The following ASB9 variants were observed in gnomAD, a reference collection of about 807,000 sequenced individuals.
The protein encoded by ASB9 is ankyrin repeat and SOCS box containing 9.
Under a neutral mutation model 16.6 loss-of-function variants are expected in ASB9, and 5 were observed. That is an observed-to-expected ratio of 0.30 (90% CI 0.16 to 0.63). ASB9 has a LOEUF of 0.63. Among genes scored for constraint, ASB9 ranks in the 30% least tolerant of loss-of-function variants. ASB9 has a pLI of 0.82. For missense variants in ASB9, 216 were observed against 229.4 expected (o/e 0.94, Z 0.38); for synonymous variants, 100 against 86.4 (o/e 1.16, Z -0.87).
chrX:15,248,268 A>G (rs756116426), intron 6 of ASB9, among the ~76,000 whole-genome samples: 10 of 106,300 alleles, frequency 9.4e-5, no homozygotes, highest in Admixed American at 2.0e-4. Context: ...TTAATTTATA[A>G]TAGTAAATAT....
chrX:15,263,813 A>C (rs937335292), intron 1 of ASB9, among the ~76,000 whole-genome samples: 26 of 111,859 alleles, frequency 2.3e-4, no homozygotes, highest in Middle Eastern at 4.6e-3. Context: ...GGGTGGGCTC[A>C]ATTTTGCAAG....
intron 1 of ASB9, among the ~76,000 whole-genome samples, chrX:15,263,300 CA>C (rs1480514547): frequency 9.0e-6 from 1 of 111,166 alleles, no homozygotes; most frequent in Non-Finnish European, 1.9e-5. Flanking sequence ...CTTCAGGACA[CA>C]ATAAGGGTGG....
chrX:15,245,869 C>T (rs1011438239), intron 6 of ASB9, among the ~76,000 whole-genome samples: 5 of 111,862 alleles, frequency 4.5e-5, no homozygotes, highest in African/African-American at 3.2e-5. Context: ...AGATGGAACT[C>T]GACACATATA....
chrX:15,260,347 G>T (rs372392399), intron 1 of ASB9, among the ~76,000 whole-genome samples: 1 of 111,904 alleles, frequency 8.9e-6, no homozygotes, highest in African/African-American at 3.3e-5. Flanking sequence ...GCAGTGAGCC[G>T]AGATCATGCC....
intron 6 of ASB9, among the ~76,000 whole-genome samples, chrX:15,248,403 A>G (rs1924840874): frequency 8.9e-6 from 1 of 112,214 alleles, no homozygotes; most frequent in Non-Finnish European, 1.9e-5. Flanking sequence ...AACCCCAAAG[A>G]GGACTCTGCT....
chrX:15,250,365 T>G lies in ASB9; in HGVS notation c.568+65A>C, dbSNP rs963854915. The G allele has an allele frequency of 1.8e-5, 20 of 1,128,403 alleles. No homozygotes were observed. In the African/African-American group the frequency reaches 3.1e-4, roughly 17 times the overall value. 93.0% of individuals were successfully genotyped at this position (1,128,403 alleles called of 1,213,427 possible). ...TAATTTCTCTCCTACAGCAGTAAGA[T>G]GTTTAAAATACATTTAATTTACTTT... On this transcript the variant is annotated intron_variant, in intron 5 of 6. Transcript: ENST00000380488.
exon 1 of ASB9, chrX:15,270,081 TACACACACAC>T (rs370190376): frequency 7.5e-5 from 22 of 294,593 alleles, no homozygotes; most frequent in South Asian, 4.5e-4. Flanking sequence ...TGCGCTCGTG[TACACACACAC>T]ACACACACAC....
At chrX:15,256,724 G>C (rs1459162928) in intron 2 of ASB9, among the ~76,000 whole-genome samples, 1 of 92,759 alleles carries the variant, frequency 1.1e-5, no homozygotes, top group Non-Finnish European at 2.1e-5. Flanking sequence ...CCTGCAGTGA[G>C]CCGAGATGGC....
intron 1 of ASB9, among the ~76,000 whole-genome samples, chrX:15,260,883 T>C (rs1925920250): frequency 8.9e-6 from 1 of 112,120 alleles, no homozygotes; most frequent in African/African-American, 3.2e-5. Flanking sequence ...AAAATCTGTA[T>C]TAGTAAGCAA....
At chrX:15,264,616 C>A (rs1366477699) in intron 1 of ASB9, among the ~76,000 whole-genome samples, 1 of 111,499 alleles carries the variant, frequency 9.0e-6, no homozygotes. Flanking sequence ...GCCCTATTTT[C>A]CCCTCTAACT....
intron 6 of ASB9, among the ~76,000 whole-genome samples, chrX:15,245,796 A>G: frequency 8.9e-6 from 1 of 112,027 alleles, no homozygotes; most frequent in Middle Eastern, 4.6e-3. Flanking sequence ...TTCCTATAGC[A>G]ATACCACCAA....
chrX:15,265,296 T>A (rs1212132589), intron 1 of ASB9, among the ~76,000 whole-genome samples: 1 of 112,044 alleles, frequency 8.9e-6, no homozygotes, highest in East Asian at 2.8e-4. Flanking sequence ...TATCCTCCCC[T>A]CCTCATCCTG....
intron 2 of ASB9, among the ~76,000 whole-genome samples, chrX:15,257,507 G>A (rs1287916036): frequency 5.4e-5 from 6 of 111,436 alleles, no homozygotes; most frequent in Non-Finnish European, 1.1e-4. Flanking sequence ...ACAGCTATTC[G>A]TAACACAAAA....
rs753796673 is a variant in ASB9 at position 15,248,919 on chromosome X, T to A, written c.585A>T (p.Gln195His). ...GAAGTGGGGAATCCTGACCTTTCCC[T>A]TGGTTCACGTCCGCTCCTAAACAGT... is the stretch of plus-strand genomic sequence containing the variant. ...KLLESGADVN[Q>H]GKGQDSPLHA... is the part of the protein sequence containing the mutation. Residue 195 changes from glutamine to histidine, a missense_variant, in exon 6 of 7, where the codon CAA becomes CAT. Transcript: ENST00000380488. 3.3e-6 allele frequency: 4 copies of A among 1,198,087 alleles called. No individual in the cohort carries two copies. In the East Asian group the frequency reaches 1.2e-4, roughly 36 times the overall value.
intron 1 of ASB9, among the ~76,000 whole-genome samples, chrX:15,264,444 T>C (rs1298224104): frequency 8.9e-6 from 1 of 111,752 alleles, no homozygotes; most frequent in Non-Finnish European, 1.9e-5. Context: ...AATTAAGACA[T>C]TCTTTCCCTG....
chrX:15,256,152 G>T (rs1418285784), intron 2 of ASB9, among the ~76,000 whole-genome samples: 1 of 110,192 alleles, frequency 9.1e-6, no homozygotes, highest in African/African-American at 3.3e-5. Context: ...TGTGACACGT[G>T]AAAATTTTAT....
At chrX:15,263,046 G>C (rs1157538308) in intron 1 of ASB9, among the ~76,000 whole-genome samples, 1 of 112,094 alleles carries the variant, frequency 8.9e-6, no homozygotes, top group Non-Finnish European at 1.9e-5. Context: ...GAGCACATTA[G>C]GGAGGCTGCC....
Position 15,244,155 on chromosome X carries a change from A to T in ASB9, c.*351T>A, listed in dbSNP as rs1008975624. 3 of 164,021 alleles carry T rather than the reference A, an allele frequency of 1.8e-5. No homozygotes were observed. The highest frequency in any genetic ancestry group is 3.4e-5 in the Non-Finnish European group (3 of 87,219). 13.5% of individuals were successfully genotyped at this position (164,021 alleles called of 1,213,427 possible). A position where few individuals can be genotyped will look rare whatever the true frequency, so the allele number is the denominator to read the frequency against. On this transcript the variant is annotated 3_prime_UTR_variant, in exon 7 of 7. Transcript: ENST00000380488. ...CTATCCTTACTCTGGAAAATTGGACATCTTGACCCAGTGGCTGTGAGGGCT... is the reference window on the plus strand; with the variant it reads ...CTATCCTTACTCTGGAAAATTGGACTTCTTGACCCAGTGGCTGTGAGGGCT...
intron 1 of ASB9, among the ~76,000 whole-genome samples, chrX:15,267,427 T>TAC (rs1181359827): frequency 1.9e-3 from 126 of 65,833 alleles, no homozygotes; most frequent in Admixed American, 0.016. Context: ...AATATATATA[T>TAC]ATATATAATT....
Sources: gnomAD v4.1 joint callset for allele counts (sites outside exome capture counted in the v4.1 genomes callset) on GRCh38, gnomAD v4.1.1 for gene constraint, MANE v1.5 for transcripts, NCBI Gene and HGNC (gene_info 2026-07-23, HGNC 2026-07-21) for gene names.